Variants in ATE1 observed in about 807,000 individuals in gnomAD.
ATE1 encodes the protein arginyl-tRNA--protein transferase 1.
ATE1 carries 36 observed loss-of-function variants against 70.5 expected under a neutral mutation model. That is an observed-to-expected ratio of 0.51 (90% CI 0.39 to 0.67). The LOEUF is 0.67. Among genes scored for constraint, ATE1 ranks in the 30% least tolerant of loss-of-function variants. The pLI is 0.00. For missense variants in ATE1, 593 were observed against 629.5 expected (o/e 0.94, Z 0.62); for synonymous variants, 232 against 219.3 (o/e 1.06, Z -0.51).
chr10:121,871,649 A>G (rs936701208), intron 7 of ATE1, among the ~76,000 whole-genome samples: 2 of 152,162 alleles, frequency 1.3e-5, no homozygotes, highest in African/African-American at 4.8e-5. Flanking sequence ...TCACTAACAC[A>G]TACCAAAGCC....
At chr10:121,922,213 A>G in intron 3 of ATE1, 136 bp downstream of exon 3, 1 of 645,052 alleles carries the variant, frequency 1.6e-6, no homozygotes, top group Non-Finnish European at 2.7e-6. Flanking sequence ...AAGAAAAGAC[A>G]TAACTCATTT....
chr10:121,796,421 T>C (rs1285215025), intron 10 of ATE1, among the ~76,000 whole-genome samples: 2 of 152,174 alleles, frequency 1.3e-5, no homozygotes, highest in African/African-American at 4.8e-5. Flanking sequence ...AATCCTATGA[T>C]TCCTGACTTC....
At chr10:121,798,545 A>G (rs770559008) in intron 10 of ATE1, among the ~76,000 whole-genome samples, 2 of 152,254 alleles carry the variant, frequency 1.3e-5, no homozygotes, top group African/African-American at 4.8e-5. Context: ...TTTGTTAAGA[A>G]CATAGTCCTC....
Position 121,767,759 on chromosome 10 carries a change from G to A in ATE1, c.1378+22410C>T, listed in dbSNP as rs367865917. On this transcript the variant is annotated intron_variant, in intron 11 of 11. Transcript: ENST00000224652. The stretch of plus-strand genomic sequence containing the variant: ...TACTGTAAGTGTTGGTGAGGATATG[G>A]AGAAACGGGAAATCTTGTGCACTAC... 1.2e-4 allele frequency among the ~76,000 whole-genome samples: 19 copies of A among 152,278 alleles called. No individual in the cohort carries two copies. In the South Asian group the frequency reaches 2.5e-3, roughly 20 times the overall value.
intron 10 of ATE1, among the ~76,000 whole-genome samples, chr10:121,833,844 T>A (rs1262271816): frequency 6.6e-6 from 1 of 152,166 alleles, no homozygotes; most frequent in East Asian, 1.9e-4. Flanking sequence ...TAGTTCCTCA[T>A]GAGGCTCTCA....
chr10:121,831,508 T>C (rs535904284), intron 10 of ATE1, among the ~76,000 whole-genome samples: 5 of 152,294 alleles, frequency 3.3e-5, no homozygotes, highest in Non-Finnish European at 5.9e-5. Flanking sequence ...CAACCTTAAC[T>C]GTCAGCTCCG....
intron 10 of ATE1, among the ~76,000 whole-genome samples, chr10:121,820,181 C>T (rs75313542): frequency 0.032 from 4,882 of 151,812 alleles, 146 homozygotes; most frequent in African/African-American, 0.08. Context: ...AAATAAACAC[C>T]ACACACAATT....
intron 11 of ATE1, among the ~76,000 whole-genome samples, chr10:121,755,455 G>A (rs1327381573): frequency 6.6e-6 from 1 of 152,168 alleles, no homozygotes; most frequent in Non-Finnish European, 1.5e-5. Flanking sequence ...TGAGTGAAGG[G>A]TATGCATATG....
At chr10:121,804,537 G>A (rs1012774764) in intron 10 of ATE1, among the ~76,000 whole-genome samples, 4 of 152,206 alleles carry the variant, frequency 2.6e-5, no homozygotes, top group South Asian at 2.1e-4. Flanking sequence ...TTACTATTAC[G>A]GAGAGCCTGA....
At position 121,743,896 on chromosome 10, in the gene ATE1, A is replaced by AAAGCC; in HGVS notation, c.1379-39_1379-38insGGCTT. The AAAGCC allele has an allele frequency of 2.0e-6, 3 of 1,522,030 alleles. No individual in the cohort carries two copies. The South Asian group carries it at 3.9e-5, about 20-fold the overall frequency. The allele number at this position is 1,522,030 out of a possible 1,614,324, so 94.3% of individuals were successfully genotyped here. A position where few individuals can be genotyped will look rare whatever the true frequency, so the allele number is the denominator to read the frequency against. ...AAAATACTGATTTGTAAAATGTCAC[A>AAAGCC]TATCAAAACTTTTTGTTTCCTTTTT... is the stretch of plus-strand genomic sequence containing the variant. On this transcript the variant is annotated intron_variant, in intron 11 of 11. Coordinates refer to ENST00000224652, the MANE Select transcript of ATE1 (RefSeq NM_001001976.3).
chr10:121,893,669 T>C lies in ATE1; in HGVS notation c.942+6197A>G, dbSNP rs571863043. On this transcript the variant is annotated intron_variant, in intron 7 of 11. Transcript: ENST00000224652. ...TTACATCTCTCTGGAATTAAGTTCA[T>C]ATAAATCTGAAGTCAATTGTGTAAA... Among the ~76,000 whole-genome samples the C allele has an allele frequency of 4.6e-5, 7 of 152,270 alleles. No individual in the cohort carries two copies. The South Asian group carries it at 1.0e-3, about 23-fold the overall frequency.
chr10:121,895,288 T>C (rs1156573096), intron 7 of ATE1, among the ~76,000 whole-genome samples: 3 of 152,284 alleles, frequency 2.0e-5, no homozygotes, highest in South Asian at 4.1e-4. Flanking sequence ...ATGTTCATAA[T>C]AGAATTTTCT....
chr10:121,890,413 A>T (rs1950541198), intron 7 of ATE1, among the ~76,000 whole-genome samples: 1 of 152,242 alleles, frequency 6.6e-6, no homozygotes, highest in Admixed American at 6.5e-5. Context: ...TATATAATGG[A>T]TGTTAAAATG....
intron 11 of ATE1, among the ~76,000 whole-genome samples, chr10:121,767,255 A>T (rs1044429514): frequency 1.7e-4 from 26 of 152,300 alleles, no homozygotes; most frequent in African/African-American, 6.0e-4. Context: ...TCAACTTGAT[A>T]AAAAAACATC....
chr10:121,838,253 T>G (rs767276931), intron 9 of ATE1, among the ~76,000 whole-genome samples: 1 of 151,926 alleles, frequency 6.6e-6, no homozygotes, highest in Non-Finnish European at 1.5e-5. Context: ...GCACCACATA[T>G]AAATAAAACC....
At chr10:121,805,678 A>T (rs1035538582) in intron 10 of ATE1, among the ~76,000 whole-genome samples, 1 of 152,236 alleles carries the variant, frequency 6.6e-6, no homozygotes, top group Non-Finnish European at 1.5e-5. Context: ...AAAAGAATGC[A>T]TACATATTTA....
intron 10 of ATE1, among the ~76,000 whole-genome samples, 158 bp downstream of exon 10, chr10:121,836,560 T>C (rs1217351782): frequency 7.2e-5 from 11 of 152,232 alleles, no homozygotes; most frequent in Non-Finnish European, 1.5e-5. Context: ...GCTGTGGTTC[T>C]CATTACAGAG....
At chr10:121,794,842 A>C (rs7903600) in intron 10 of ATE1, among the ~76,000 whole-genome samples, 11 of 151,648 alleles carry the variant, frequency 7.3e-5, no homozygotes, top group Admixed American at 7.2e-4. Context: ...TTGAGTCCTT[A>C]AGGTTAAAAC....
At chr10:121,758,189 A>G (rs1046996529) in intron 11 of ATE1, among the ~76,000 whole-genome samples, 3 of 152,224 alleles carry the variant, frequency 2.0e-5, no homozygotes, top group African/African-American at 7.2e-5. Context: ...CTTAGGATCT[A>G]TTATGTTCAG....
Sources: allele counts gnomAD v4.1 joint callset (sites outside exome capture counted in the v4.1 genomes callset), GRCh38; gene constraint gnomAD v4.1.1; transcripts MANE v1.5; gene names NCBI Gene and HGNC (gene_info 2026-07-23, HGNC 2026-07-21).